UTP25: variants seen among roughly 807,000 people sequenced by gnomAD.
The protein encoded by UTP25 is U3 small nucleolar RNA-associated protein 25 homolog.
UTP25 carries 50 observed loss-of-function variants against 78.9 expected under a neutral mutation model. The ratio of observed to expected loss-of-function variants is 0.63; its 90% CI spans 0.50 to 0.80. The LOEUF (loss-of-function observed/expected upper bound fraction) is 0.80, where lower values mean the gene tolerates loss of function less well. UTP25 is among the 30% of genes least tolerant of loss of function. UTP25 has a pLI of 0.00. For missense variants in UTP25, 846 were observed against 911.3 expected (o/e 0.93, Z 0.92); for synonymous variants, 329 against 336.5 (o/e 0.98, Z 0.24).
In UTP25 at chr1:209,840,936, A is replaced by T. The variant is rs552313162; in HGVS notation, c.1366A>T (p.Arg456Trp). The T allele has an allele frequency of 6.2e-7, 1 of 1,614,048 alleles. No individual in the cohort carries two copies. The highest frequency in any genetic ancestry group is 2.2e-5 in the East Asian group (1 of 44,876). ...DILIASPLGL[R>W]TIIGGEGEKK... ...CCTCATTGCTTCCCCCCTGGGCTTGAGGACCATCATTGGTGGAGAAGGAGA... is the reference window on the plus strand; with the variant it reads ...CCTCATTGCTTCCCCCCTGGGCTTGTGGACCATCATTGGTGGAGAAGGAGA... Residue 456 changes from arginine (R) to tryptophan (W), a missense_variant, in exon 8 of 12, where the codon AGG (arginine) becomes TGG (tryptophan). By Grantham distance (101) the Arg-to-Trp change is moderately radical. Transcript: ENST00000491415.
Position 209,830,880 on chromosome 1 carries a change from A to G in UTP25, c.225A>G (p.Leu75=). The G allele has an allele frequency of 1.2e-6, 2 of 1,614,150 alleles. No individual in the cohort carries two copies. Among genetic ancestry groups the G allele is most frequent in the Non-Finnish European group, 1.7e-6 (2 of 1,179,982 alleles). ...AACAAGTTTCTGGCTACCACAGACTACTTGCTACATTAAAGAATGTTTCTG... is the reference window on the plus strand; with the variant it reads ...AACAAGTTTCTGGCTACCACAGACTGCTTGCTACATTAAAGAATGTTTCTG... ...EPQQVSGYHR[L]LATLKNVSEE... The change falls in exon 3 of 12, where the codon CTA becomes CTG. Residue 75 remains leucine (L), a synonymous_variant. Transcript: ENST00000491415.
In UTP25 at chr1:209,841,402, C is replaced by G. The variant is rs150777191; in HGVS notation, c.1485+347C>G. On this transcript the variant is annotated intron_variant, in intron 8 of 11. Transcript: ENST00000491415. ...TGGGTCCTCACCAGGAACATCTTTACCTAACATAATCCCACATGTGGTTTT... is the reference window on the plus strand; with the variant it reads ...TGGGTCCTCACCAGGAACATCTTTAGCTAACATAATCCCACATGTGGTTTT... 2.6e-5 allele frequency among the ~76,000 whole-genome samples: 4 copies of G among 152,270 alleles called. No individual in the cohort carries two copies. In the East Asian group the frequency reaches 7.7e-4, roughly 29 times the overall value.
At chr1:209,847,030 C>T (rs1011411759) in intron 11 of UTP25, among the ~76,000 whole-genome samples, 3 of 152,140 alleles carry the variant, frequency 2.0e-5, no homozygotes, top group Middle Eastern at 3.4e-3. Flanking sequence ...CACGTGCACA[C>T]ACACACGTGT....
At chr1:209,835,022 C>G (rs685248) in intron 4 of UTP25, 53 bp from the exon 5 acceptor site, 1,047,874 of 1,453,438 alleles carry the variant, frequency 0.72, 382,455 homozygotes, top group Non-Finnish European at 0.75. Context: ...GGGAAGACCA[C>G]AAAACCCCTC....
At position 209,827,997 on chromosome 1, in the gene UTP25, G is replaced by A. The variant is rs1007179765; in HGVS notation, c.-67G>A. 13 of 1,292,498 alleles carry A rather than the reference G, an allele frequency of 1.0e-5. No individual in the cohort carries two copies. In the Admixed American group the frequency reaches 1.7e-4, roughly 17 times the overall value. 80.1% of individuals were successfully genotyped at this position (1,292,498 alleles called of 1,614,324 possible). On this transcript the variant is annotated 5_prime_UTR_variant, in exon 1 of 12. Coordinates refer to ENST00000491415, the MANE Select transcript of UTP25 (RefSeq NM_014388.7). ...GCAGTCAGCGAGCCCACGTGCTTGT[G>A]TTGACTGGACAACTTCCTGGTGGAA...
rs1258349130 is a variant in UTP25 at position 209,852,584 on chromosome 1, T to A, written c.*1137T>A. 6.6e-6 allele frequency: 1 copy of A among 152,236 alleles called. No individual in the cohort carries two copies. The highest frequency in any genetic ancestry group is 1.5e-5 in the Non-Finnish European group (1 of 68,038). 9.4% of individuals were successfully genotyped at this position (152,236 alleles called of 1,614,324 possible). ...ATGGCCGCTGGGAGCACCTTCAGGT[T>A]AGCCCCTGTGTACTTTTGACATGTC... On this transcript the variant is annotated 3_prime_UTR_variant, in exon 12 of 12. Coordinates refer to ENST00000491415, the MANE Select transcript of UTP25 (RefSeq NM_014388.7).
chr1:209,839,153 G>A lies in UTP25; in HGVS notation c.1282+25G>A. 4 of 1,580,858 alleles carry A rather than the reference G, an allele frequency of 2.5e-6. No homozygotes were observed. The South Asian group carries it at 4.6e-5, about 18-fold the overall frequency. On this transcript the variant is annotated intron_variant, in intron 7 of 11. Coordinates refer to ENST00000491415, the MANE Select transcript of UTP25 (RefSeq NM_014388.7). ...GGTAATTCTTCCTTATCAACTTTGA[G>A]ACCTAAAGTGTGAAGGTCTACATAG...
chr1:209,835,936 A>G lies in UTP25; in HGVS notation c.651+773A>G, dbSNP rs996054762. Among the ~76,000 whole-genome samples, 5 of 152,282 alleles carry G rather than the reference A, an allele frequency of 3.3e-5. No homozygotes were observed. In the East Asian group the frequency reaches 9.6e-4, roughly 29 times the overall value. ...GCCTATATTTATATACAATTTTATC[A>G]TGCATAGGTTCCTGTATCTACTCCT... On this transcript the variant is annotated intron_variant, in intron 5 of 11. Transcript: ENST00000491415.
intron 3 of UTP25, among the ~76,000 whole-genome samples, chr1:209,832,607 G>A (rs1430294508): frequency 6.6e-6 from 1 of 152,246 alleles, no homozygotes; most frequent in African/African-American, 2.4e-5. Flanking sequence ...ATATGAGAAA[G>A]AGATCTGGCT....
chr1:209,849,417 G>C lies in UTP25; in HGVS notation c.2028-1787G>C, dbSNP rs188158855. 1.4e-4 allele frequency among the ~76,000 whole-genome samples: 22 copies of C among 152,082 alleles called. No individual in the cohort carries two copies. In the East Asian group the frequency reaches 4.3e-3, roughly 30 times the overall value. ...TCTTGTGTGGGGGACAAATGGAAGG[G>C]TGGGGGTTTACTGCCCTTCCCTTAA... is the stretch of plus-strand genomic sequence containing the variant. On this transcript the variant is annotated intron_variant, in intron 11 of 11. Coordinates refer to ENST00000491415, the MANE Select transcript of UTP25 (RefSeq NM_014388.7).
At chr1:209,843,430 C>T (rs1572006153) in intron 10 of UTP25, 21 bp from the exon 11 acceptor site, 1 of 1,612,110 alleles carries the variant, frequency 6.2e-7, no homozygotes, top group East Asian at 2.2e-5. Flanking sequence ...ATTAATTTTG[C>T]CCTTTGCCAT....
intron 11 of UTP25, among the ~76,000 whole-genome samples, chr1:209,845,849 TTC>T (rs1474013225): frequency 9.8e-4 from 146 of 148,902 alleles, no homozygotes; most frequent in African/African-American, 3.6e-3. Flanking sequence ...TACTTTTTTT[TTC>T]TTTTTCTTTT....
In UTP25 at chr1:209,851,263, T is replaced by A. The variant is rs201418772; in HGVS notation, c.2087T>A (p.Phe696Tyr). The change falls in exon 12 of 12, where the codon TTT (phenylalanine) becomes TAT (tyrosine). Residue 696 changes from phenylalanine to tyrosine, a missense_variant. Physicochemically the swap from Phe to Tyr is conservative, Grantham distance 22. Coordinates refer to ENST00000491415, the MANE Select transcript of UTP25 (RefSeq NM_014388.7). Reference protein sequence around the residue: ...IFYELPTYPHFYSEICNMLRA... With the variant: ...IFYELPTYPHYYSEICNMLRA... ...TATGAACTGCCGACATATCCACACTTTTACAGTGAAATCTGTAATATGCTG... is the reference window on the plus strand; with the variant it reads ...TATGAACTGCCGACATATCCACACTATTACAGTGAAATCTGTAATATGCTG... 16 of 1,614,022 alleles carry A rather than the reference T, an allele frequency of 9.9e-6. No individual in the cohort carries two copies. The highest frequency in any genetic ancestry group is 1.3e-5 in the African/African-American group (1 of 74,906).
At position 209,856,161 on chromosome 1, in the gene UTP25, A is replaced by G. The variant is rs1436314098; in HGVS notation, c.*4714A>G. On this transcript the variant is annotated 3_prime_UTR_variant, in exon 12 of 12. Coordinates refer to ENST00000491415, the MANE Select transcript of UTP25 (RefSeq NM_014388.7). The stretch of plus-strand genomic sequence containing the variant: ...CTTCTCAGTTTTCTCATCTTTATGA[A>G]GTATGGAGTAATCCCCACTAGCCTT... 6.6e-6 allele frequency: 1 copy of G among 152,252 alleles called. No individual in the cohort carries two copies. Among genetic ancestry groups the G allele is most frequent in the African/African-American group, 2.4e-5 (1 of 41,466 alleles). The allele number at this position is 152,252 out of a possible 1,614,324, so 9.4% of individuals were successfully genotyped here.
At chr1:209,840,822 G>A (rs1372671082) in intron 7 of UTP25, 31 bp from the exon 8 acceptor site, 2 of 1,609,676 alleles carry the variant, frequency 1.2e-6, no homozygotes, top group South Asian at 1.1e-5. Flanking sequence ...AGTGACTAAT[G>A]AATTGGTGTG....
rs1178274555 is a variant in UTP25, at chr1:209,842,284, A to C, written c.1505A>C (p.Asn502Thr). The C allele has an allele frequency of 6.2e-7, 1 of 1,613,644 alleles. No individual in the cohort carries two copies. The highest frequency in any genetic ancestry group is 2.2e-5 in the East Asian group (1 of 44,894). ...TCAAAGCATTTGATGAATCACATGAACCTACTACCCCTGGACTCACATGGG... is the reference window on the plus strand; with the variant it reads ...TCAAAGCATTTGATGAATCACATGACCCTACTACCCCTGGACTCACATGGG... ...EHVLHLMNHMNLLPLDSHGVD... is the reference protein window; with the variant it reads ...EHVLHLMNHMTLLPLDSHGVD... Residue 502 changes from asparagine (N) to threonine (T), a missense_variant, in exon 9 of 12, where the codon AAC becomes ACC. Transcript: ENST00000491415.
intron 1 of UTP25, 48 bp downstream of exon 1, chr1:209,828,218 C>T (rs761182766): frequency 2.8e-6 from 4 of 1,444,088 alleles, no homozygotes; most frequent in South Asian, 2.3e-5. Context: ...GATGTATCCT[C>T]GAGTTTGGTC....
rs201680912 is a variant in UTP25, at chr1:209,843,425, T to G, written c.1782-26T>G. On this transcript the variant is annotated intron_variant, in intron 10 of 11. Transcript: ENST00000491415. ...CCATAAGCTTAGCTCTAGACATTAA[T>G]TTTGCCCTTTGCCATTCCAAATCAG... The G allele has an allele frequency of 8.3e-5, 133 of 1,611,874 alleles. No homozygotes were observed. The highest frequency in any genetic ancestry group is 1.1e-4 in the Non-Finnish European group (126 of 1,178,860).
Position 209,838,821 on chromosome 1 carries a change from C to T in UTP25, c.1063-88C>T, listed in dbSNP as rs12410312. The T allele has an allele frequency of 3.5e-6, 5 of 1,437,326 alleles. No homozygotes were observed. The African/African-American group carries it at 7.0e-5, about 20-fold the overall frequency. 89.0% of individuals were successfully genotyped at this position (1,437,326 alleles called of 1,614,324 possible). A position where few individuals can be genotyped will look rare whatever the true frequency, so the allele number is the denominator to read the frequency against. On this transcript the variant is annotated intron_variant, in intron 6 of 11. Transcript: ENST00000491415. Reference sequence around the variant, plus strand: ...CTGGGGGCCACTGCTCTACATGGAGCTTTTTAGCTCCACTTCCTCAGCAGT... The same window carrying T: ...CTGGGGGCCACTGCTCTACATGGAGTTTTTTAGCTCCACTTCCTCAGCAGT...
Sources: gnomAD v4.1 joint callset for allele counts (sites outside exome capture counted in the v4.1 genomes callset) on GRCh38, gnomAD v4.1.1 for gene constraint, MANE v1.5 for transcripts, NCBI Gene and HGNC (gene_info 2026-07-23, HGNC 2026-07-21) for gene names.